The following ZNF385D variants were observed in gnomAD, a reference collection of about 807,000 sequenced individuals.
The protein encoded by ZNF385D is zinc finger protein 385D.
A neutral mutation model predicts 35.8 loss-of-function variants in ZNF385D; 15 were observed. That is an observed-to-expected ratio of 0.42 (90% CI 0.28 to 0.64). ZNF385D has a LOEUF of 0.64. ZNF385D is among the 30% of genes least tolerant of loss of function. ZNF385D has a pLI of 0.23. For missense variants in ZNF385D, 474 were observed against 494.6 expected (o/e 0.96, Z 0.39); for synonymous variants, 212 against 186.8 (o/e 1.13, Z -1.10).
chr3:21,556,567 C>T (rs1165350415), intron 3 of ZNF385D, among the ~76,000 whole-genome samples: 1 of 152,090 alleles, frequency 6.6e-6, no homozygotes, highest in Non-Finnish European at 1.5e-5. Flanking sequence ...CTTCTGTTCT[C>T]TTCCATTGAT....
chr3:22,067,347 C>A (rs1016769436), intron 3 of ZNF385D, among the ~76,000 whole-genome samples: 1 of 152,114 alleles, frequency 6.6e-6, no homozygotes, highest in South Asian at 2.1e-4. Context: ...AAGTTGACAG[C>A]AAGCAAGTAA....
At chr3:22,031,802 A>G (rs1321582830) in intron 3 of ZNF385D, among the ~76,000 whole-genome samples, 1 of 152,210 alleles carries the variant, frequency 6.6e-6, no homozygotes, top group Non-Finnish European at 1.5e-5. Flanking sequence ...TCACGCTGCC[A>G]ATTTCCAAAC....
intron 3 of ZNF385D, among the ~76,000 whole-genome samples, chr3:21,877,087 C>T (rs1698018154): frequency 6.6e-6 from 1 of 152,064 alleles, no homozygotes; most frequent in Non-Finnish European, 1.5e-5. Context: ...ACCATGGGAT[C>T]AGGTTTATTC....
At chr3:22,095,884 C>A (rs556742490) in intron 3 of ZNF385D, among the ~76,000 whole-genome samples, 37 of 151,566 alleles carry the variant, frequency 2.4e-4, no homozygotes, top group African/African-American at 7.2e-4. Flanking sequence ...CTTAAAAATT[C>A]TTGTATCATG....
chr3:22,218,419 AATTT>A (rs1321569399), intron 2 of ZNF385D, among the ~76,000 whole-genome samples: 2 of 152,008 alleles, frequency 1.3e-5, no homozygotes, highest in African/African-American at 4.8e-5. Flanking sequence ...AAATTATAAT[AATTT>A]ATTTGAAGAC....
intron 2 of ZNF385D, among the ~76,000 whole-genome samples, chr3:22,264,206 G>A (rs915840147): frequency 2.0e-5 from 3 of 151,996 alleles, no homozygotes; most frequent in African/African-American, 7.2e-5. Context: ...GTAAGTATGT[G>A]ACAAAGTGAG....
At chr3:22,308,433 CT>C (rs958704845) in intron 2 of ZNF385D, among the ~76,000 whole-genome samples, 3 of 151,710 alleles carry the variant, frequency 2.0e-5, no homozygotes, top group Non-Finnish European at 2.9e-5. Context: ...TAAAACCTGC[CT>C]TTTTTTTCTT....
intron 3 of ZNF385D, among the ~76,000 whole-genome samples, chr3:22,005,170 G>A (rs1696124729): frequency 6.6e-6 from 1 of 150,762 alleles, no homozygotes; most frequent in East Asian, 1.9e-4. Flanking sequence ...ATGGCCCACA[G>A]GTACATGAAA....
intron 2 of ZNF385D, among the ~76,000 whole-genome samples, chr3:22,247,351 G>T (rs1699839835): frequency 6.6e-6 from 1 of 151,976 alleles, no homozygotes; most frequent in African/African-American, 2.4e-5. Context: ...TATTTAGCAT[G>T]TAAATATAAC....
At chr3:21,901,943 C>T (rs549354277) in intron 3 of ZNF385D, among the ~76,000 whole-genome samples, 19 of 152,194 alleles carry the variant, frequency 1.2e-4, no homozygotes, top group African/African-American at 4.1e-4. Context: ...CTTGTTTCCT[C>T]GTATCAGCTT....
At chr3:21,769,995 C>T (rs2071005482) in intron 3 of ZNF385D, among the ~76,000 whole-genome samples, 1 of 152,096 alleles carries the variant, frequency 6.6e-6, no homozygotes, top group African/African-American at 2.4e-5. Context: ...GAACGGATTC[C>T]CTATTTTACA....
At chr3:22,219,549 T>C (rs1174879666) in intron 2 of ZNF385D, among the ~76,000 whole-genome samples, 5 of 152,130 alleles carry the variant, frequency 3.3e-5, no homozygotes, top group Non-Finnish European at 7.4e-5. Flanking sequence ...TAACAAATAA[T>C]GTATCATTAA....
At chr3:22,358,389 C>A (rs1292267359) in intron 2 of ZNF385D, among the ~76,000 whole-genome samples, 1 of 151,866 alleles carries the variant, frequency 6.6e-6, no homozygotes, top group East Asian at 1.9e-4. Context: ...AAGACAGCTT[C>A]ATTTTTGAAC....
intron 3 of ZNF385D, among the ~76,000 whole-genome samples, chr3:21,887,385 G>A (rs2125875045): frequency 6.6e-6 from 1 of 152,112 alleles, no homozygotes; most frequent in South Asian, 2.1e-4. Flanking sequence ...TGAAATGAAG[G>A]GAGAGCATTT....
intron 1 of ZNF385D, among the ~76,000 whole-genome samples, chr3:21,669,202 G>A (rs2066489466): frequency 6.6e-6 from 1 of 152,132 alleles, no homozygotes. Context: ...ACCAAAATTT[G>A]TTGTGTGACA....
In ZNF385D at chr3:21,453,519, G is replaced by A. The variant is rs112214866; in HGVS notation, c.440-16316C>T. ...ATATAAAGAACACTTACAAATCCAC[G>A]ATATAAAGACAACTCAATCAAAAAA... On this transcript the variant is annotated intron_variant, in intron 4 of 7. Transcript: ENST00000281523. 1.7e-3 allele frequency among the ~76,000 whole-genome samples: 261 copies of A among 151,752 alleles called. 1 individual carries two copies. The highest frequency in any genetic ancestry group is 6.8e-3 in the Middle Eastern group (2 of 292).
intron 2 of ZNF385D, among the ~76,000 whole-genome samples, chr3:22,199,668 G>T (rs1014831062): frequency 6.6e-6 from 1 of 152,108 alleles, no homozygotes; most frequent in Admixed American, 6.6e-5. Context: ...TCATTGTTCA[G>T]ATGGAAACAC....
intron 3 of ZNF385D, among the ~76,000 whole-genome samples, chr3:21,952,975 T>C (rs918347507): frequency 6.6e-6 from 1 of 151,960 alleles, no homozygotes; most frequent in Non-Finnish European, 1.5e-5. Context: ...ATACTTTCTA[T>C]TCTTCTCCCT....
At chr3:22,160,006 G>T (rs1478630543) in intron 3 of ZNF385D, among the ~76,000 whole-genome samples, 1 of 151,902 alleles carries the variant, frequency 6.6e-6, no homozygotes, top group South Asian at 2.1e-4. Context: ...GACCATGTGG[G>T]GGTAATTGAA....
Sources: gnomAD v4.1 joint callset for allele counts (sites outside exome capture counted in the v4.1 genomes callset) on GRCh38, gnomAD v4.1.1 for gene constraint, MANE v1.5 for transcripts, NCBI Gene and HGNC (gene_info 2026-07-23, HGNC 2026-07-21) for gene names.